PAPPA2: variants seen among roughly 807,000 people sequenced by gnomAD.
PAPPA2 encodes the protein pappalysin 2, also known as pappalysin-2.
In PAPPA2, 86 loss-of-function variants were observed where a neutral mutation model predicts 176.4. The observed-to-expected ratio is 0.49, with a 90% CI of 0.41 to 0.58. PAPPA2 has a LOEUF of 0.58. PAPPA2 is among the 20% of genes least tolerant of loss of function. The pLI is 0.00. For missense variants in PAPPA2, 2,073 were observed against 2,256.9 expected, an observed-to-expected ratio of 0.92 and a Z score of 1.65; for synonymous variants, 809 against 852.2, an observed-to-expected ratio of 0.95 and a Z score of 0.88.
chr1:176,641,115 A>G (rs1472143886), intron 3 of PAPPA2, among the ~76,000 whole-genome samples: 36 of 147,370 alleles, frequency 2.4e-4, no homozygotes, highest in African/African-American at 7.9e-4. Flanking sequence ...AGTAGGTTGC[A>G]AAAATTTTCT....
intron 14 of PAPPA2, among the ~76,000 whole-genome samples, chr1:176,745,429 A>G (rs912519873): frequency 5.3e-5 from 8 of 152,188 alleles, no homozygotes; most frequent in Non-Finnish European, 8.8e-5. Context: ...CCATATCCCA[A>G]TGATTGTACT....
At chr1:176,598,060 A>C (rs1471886104) in intron 3 of PAPPA2, among the ~76,000 whole-genome samples, 1 of 152,198 alleles carries the variant, frequency 6.6e-6, no homozygotes, top group East Asian at 1.9e-4. Flanking sequence ...CCACATATAA[A>C]ACCTGCTTTG....
At chr1:176,623,692 TCTTTC>T (rs1655796498) in intron 3 of PAPPA2, among the ~76,000 whole-genome samples, 1 of 135,242 alleles carries the variant, frequency 7.4e-6, no homozygotes, top group African/African-American at 3.1e-5. Flanking sequence ...TTTCTCTCTC[TCTTTC>T]CTTTCTTTCT....
intron 14 of PAPPA2, among the ~76,000 whole-genome samples, chr1:176,748,490 AT>A (rs1025048936): frequency 2.0e-5 from 3 of 151,996 alleles, no homozygotes; most frequent in Non-Finnish European, 4.4e-5. Context: ...ACCTGTCCAG[AT>A]TTTTTCCCCT....
chr1:176,764,092 C>T (rs1663819840), intron 14 of PAPPA2, among the ~76,000 whole-genome samples: 1 of 152,162 alleles, frequency 6.6e-6, no homozygotes, highest in Non-Finnish European at 1.5e-5. Context: ...TAACCTATTA[C>T]AGTGAGAACT....
intron 22 of PAPPA2, among the ~76,000 whole-genome samples, chr1:176,840,690 T>A (rs1330168004): frequency 6.6e-6 from 1 of 152,160 alleles, no homozygotes; most frequent in East Asian, 1.9e-4. Flanking sequence ...CAGGCACATG[T>A]TAAATGGCTG....
At chr1:176,662,206 A>C (rs573196598) in intron 3 of PAPPA2, among the ~76,000 whole-genome samples, 2 of 152,304 alleles carry the variant, frequency 1.3e-5, no homozygotes, top group South Asian at 2.1e-4. Flanking sequence ...GGGGGAAGAC[A>C]CTTTACCTCT....
At chr1:176,593,262 C>A (rs1277297897) in intron 2 of PAPPA2, among the ~76,000 whole-genome samples, 1 of 152,206 alleles carries the variant, frequency 6.6e-6, no homozygotes, top group African/African-American at 2.4e-5. Flanking sequence ...GCTTATAAAT[C>A]TAGACTGTCT....
intron 4 of PAPPA2, among the ~76,000 whole-genome samples, chr1:176,673,892 A>G (rs1659149724): frequency 6.6e-6 from 1 of 152,114 alleles, no homozygotes; most frequent in Non-Finnish European, 1.5e-5. Flanking sequence ...GCAGCAGCCT[A>G]GAGCTTGCTT....
chr1:176,569,864 A>T lies in PAPPA2; in HGVS notation c.919+12623A>T, dbSNP rs562658207. On this transcript the variant is annotated intron_variant, in intron 2 of 22. Transcript: ENST00000367662. Reference sequence around the variant, plus strand: ...CTATTGATGTTGAAGATGACTAGGAAGTTTAAATTCCCCTCAGTAGTATCT... The same window carrying T: ...CTATTGATGTTGAAGATGACTAGGATGTTTAAATTCCCCTCAGTAGTATCT... Among the ~76,000 whole-genome samples the T allele has an allele frequency of 2.6e-5, 4 of 152,354 alleles. No individual in the cohort carries two copies. The South Asian group carries it at 8.3e-4, about 32-fold the overall frequency.
At chr1:176,642,819 C>A (rs896500047) in intron 3 of PAPPA2, among the ~76,000 whole-genome samples, 5 of 151,952 alleles carry the variant, frequency 3.3e-5, no homozygotes, top group African/African-American at 7.2e-5. Flanking sequence ...ACTCTGCAAT[C>A]TTCTCCATTG....
At chr1:176,545,650 T>A (rs1391726985) in intron 1 of PAPPA2, among the ~76,000 whole-genome samples, 1 of 152,176 alleles carries the variant, frequency 6.6e-6, no homozygotes, top group African/African-American at 2.4e-5. Flanking sequence ...ATAAGGGACT[T>A]GAGCATCCTC....
intron 12 of PAPPA2, among the ~76,000 whole-genome samples, chr1:176,719,685 A>G (rs1661534396): frequency 6.6e-6 from 1 of 152,164 alleles, no homozygotes; most frequent in African/African-American, 2.4e-5. Context: ...GAATGGCAGT[A>G]GAGTCAACAT....
intron 1 of PAPPA2, among the ~76,000 whole-genome samples, chr1:176,548,011 G>A (rs549735321): frequency 8.5e-5 from 13 of 152,316 alleles, no homozygotes; most frequent in African/African-American, 3.1e-4. Flanking sequence ...ATAACCTAGT[G>A]AAAGCTGACT....
chr1:176,590,924 C>A (rs577571034), intron 2 of PAPPA2, among the ~76,000 whole-genome samples: 112 of 152,174 alleles, frequency 7.4e-4, no homozygotes, highest in Non-Finnish European at 1.3e-3. Context: ...TCAGTGTCTG[C>A]ATCTATAAAA....
chr1:176,554,369 T>A (rs1651146187), intron 1 of PAPPA2, among the ~76,000 whole-genome samples: 1 of 152,244 alleles, frequency 6.6e-6, no homozygotes, highest in Admixed American at 6.5e-5. Flanking sequence ...GTTTCTCTAC[T>A]GTTTTGTACC....
intron 3 of PAPPA2, among the ~76,000 whole-genome samples, chr1:176,642,603 G>A (rs376289124): frequency 6.6e-6 from 1 of 152,000 alleles, no homozygotes; most frequent in East Asian, 1.9e-4. Context: ...TGAAATTGTA[G>A]CAAGAAGATA....
At chr1:176,603,602 A>G (rs565492993) in intron 3 of PAPPA2, among the ~76,000 whole-genome samples, 21 of 152,322 alleles carry the variant, frequency 1.4e-4, no homozygotes, top group African/African-American at 5.1e-4. Flanking sequence ...CCAGAGACAA[A>G]CACTTAAATA....
At position 176,679,568 on chromosome 1, in the gene PAPPA2, C is replaced by T. The variant is rs181644418; in HGVS notation, c.2137+8453C>T. ...TAAGCATAGGAGACCATCTTCTAAG[C>T]TTTGCAACCCCCTTCTCTTTTCACA... On this transcript the variant is annotated intron_variant, in intron 4 of 22. Coordinates refer to ENST00000367662, the MANE Select transcript of PAPPA2 (RefSeq NM_020318.3). 1.5e-4 allele frequency among the ~76,000 whole-genome samples: 23 copies of T among 152,290 alleles called. No homozygotes were observed. In the East Asian group the frequency reaches 4.4e-3, roughly 29 times the overall value.
Sources: gnomAD v4.1 joint callset for allele counts (sites outside exome capture counted in the v4.1 genomes callset) on GRCh38, gnomAD v4.1.1 for gene constraint, MANE v1.5 for transcripts, NCBI Gene and HGNC (gene_info 2026-07-23, HGNC 2026-07-21) for gene names.